The following H6PD variants were observed in gnomAD, a reference collection of about 807,000 sequenced individuals.
H6PD encodes the protein hexose-6-phosphate dehydrogenase/glucose 1-dehydrogenase.
A neutral mutation model predicts 61.2 loss-of-function variants in H6PD; 48 were observed. The ratio of observed to expected loss-of-function variants is 0.78; its 90% CI spans 0.62 to 1.00. The LOEUF is 1.00. H6PD is among the 50% of genes least tolerant of loss of function. The pLI, the probability that H6PD is intolerant of heterozygous loss-of-function variation, is 0.00. For synonymous variants in H6PD, 480 were observed against 457.9 expected (o/e 1.05, Z -0.62); for missense variants, 1,093 against 1,065.0 (o/e 1.03, Z -0.37).
In H6PD at chr1:9,263,937, T is replaced by C. The variant is rs767609799; in HGVS notation, c.1444T>C (p.Ser482Pro). 7 of 1,614,176 alleles carry C rather than the reference T, an allele frequency of 4.3e-6. No individual in the cohort carries two copies. The highest frequency in any genetic ancestry group is 3.3e-5 in the South Asian group (3 of 91,084). Reference protein sequence around the residue: ...FFITTENLLASWNFWTPLLES... With the variant: ...FFITTENLLAPWNFWTPLLES... Reference sequence around the variant, plus strand: ...CATCACCACAGAGAACTTGCTGGCCTCCTGGAACTTCTGGACCCCTCTGCT... The same window carrying C: ...CATCACCACAGAGAACTTGCTGGCCCCCTGGAACTTCTGGACCCCTCTGCT... The change falls in exon 5 of 5, where the codon TCC becomes CCC. Residue 482 changes from serine to proline, a missense_variant. By Grantham distance (74) the Ser-to-Pro change is moderately conservative. Coordinates refer to ENST00000377403, the MANE Select transcript of H6PD (RefSeq NM_004285.4).
intron 3 of H6PD, among the ~76,000 whole-genome samples, chr1:9,248,468 G>C (rs1051011900): frequency 2.0e-5 from 3 of 152,044 alleles, no homozygotes; most frequent in Non-Finnish European, 4.4e-5. Context: ...CGGGTGCTGT[G>C]GGGGGTGATG....
At chr1:9,238,675 T>C (rs931315012) in intron 1 of H6PD, among the ~76,000 whole-genome samples, 7 of 152,210 alleles carry the variant, frequency 4.6e-5, no homozygotes, top group Admixed American at 1.3e-4. Flanking sequence ...AGTTCAGTTT[T>C]GTACATATTA....
Position 9,245,655 on chromosome 1 carries a change from C to A in H6PD, c.627+94C>A. The stretch of plus-strand genomic sequence containing the variant: ...CGCTCGCTCATTGTGGAGCTAGGCC[C>A]CAAGGCATTGTGAACTCAGAGCTCC... On this transcript the variant is annotated intron_variant, in intron 2 of 4. Coordinates refer to ENST00000377403, the MANE Select transcript of H6PD (RefSeq NM_004285.4). This position sits in a 1 kb window ranked among gnomAD's most constrained non-coding sequence, Gnocchi z 4.8. 7.7e-7 allele frequency: 1 copy of A among 1,297,286 alleles called. No individual in the cohort carries two copies. The highest frequency in any genetic ancestry group is 1.1e-6 in the Non-Finnish European group (1 of 906,326). 80.4% of individuals were successfully genotyped at this position (1,297,286 alleles called of 1,614,324 possible). A position where few individuals can be genotyped will look rare whatever the true frequency, so the allele number is the denominator to read the frequency against.
chr1:9,263,513 C>A lies in H6PD; in HGVS notation c.1020C>A (p.Val340=). The A allele has an allele frequency of 6.2e-7, 1 of 1,614,056 alleles. No homozygotes were observed. The highest frequency in any genetic ancestry group is 1.1e-5 in the South Asian group (1 of 91,080). Residue 340 remains valine (V), a synonymous_variant, in exon 5 of 5, where the codon GTC becomes GTA. Transcript: ENST00000377403. ...TCTGCTGTTCCCTCACCCCAGCCGT[C>A]CTAGTGCACATTGACAACCTTCGCT... ...FHSLTPTFAA[V]LVHIDNLRWE...
intron 1 of H6PD, chr1:9,243,047 G>A (rs1411372134): frequency 2.5e-6 from 2 of 811,666 alleles, no homozygotes; most frequent in East Asian, 1.2e-4. Context: ...GTGTGGCCCT[G>A]ATCCTCTAGT....
chr1:9,271,296 G>A lies in H6PD; in HGVS notation c.*6427G>A, dbSNP rs1219780394. The A allele has an allele frequency of 2.6e-5, 4 of 152,182 alleles. No individual in the cohort carries two copies. Among genetic ancestry groups the A allele is most frequent in the African/African-American group, 4.8e-5 (2 of 41,420 alleles). The allele number at this position is 152,182 out of a possible 1,614,324, so 9.4% of individuals were successfully genotyped here. ...TAAAATGTCTTTTTCTATGTCAAAT[G>A]TAACGTTTATTTTTTTAAACAATAA... On this transcript the variant is annotated 3_prime_UTR_variant, in exon 5 of 5. Transcript: ENST00000377403.
intron 3 of H6PD, among the ~76,000 whole-genome samples, chr1:9,255,367 G>A (rs574070800): frequency 6.6e-6 from 1 of 151,970 alleles, no homozygotes; most frequent in African/African-American, 2.4e-5. Flanking sequence ...CTGCAGCCTC[G>A]ACCTCCTAGG....
At chr1:9,262,851 C>T (rs949572888) in intron 4 of H6PD, among the ~76,000 whole-genome samples, 1 of 152,210 alleles carries the variant, frequency 6.6e-6, no homozygotes, top group Admixed American at 6.5e-5. Context: ...ATAGATGCCT[C>T]TCATACAAGC....
At chr1:9,260,010 T>C (rs556006083) in intron 3 of H6PD, among the ~76,000 whole-genome samples, 1 of 152,090 alleles carries the variant, frequency 6.6e-6, no homozygotes, top group East Asian at 1.9e-4. Context: ...TTACTGTTGT[T>C]ATGTTGTTAT....
intron 3 of H6PD, 134 bp from the exon 4 acceptor site, chr1:9,261,925 T>G: frequency 1.1e-6 from 1 of 919,508 alleles, no homozygotes; most frequent in Non-Finnish European, 1.8e-6. Flanking sequence ...TGTGCACCAT[T>G]TTTATAGGCC....
rs143609093 is a variant in H6PD at position 9,238,911 on chromosome 1, A to G, written c.-11+3845A>G. Among the ~76,000 whole-genome samples the G allele has an allele frequency of 7.4e-3, 1,133 of 152,292 alleles. 13 individuals are homozygous for G. Among genetic ancestry groups the G allele is most frequent in the African/African-American group, 0.026 (1,072 of 41,552 alleles). ...AATATTCTGACGTTGGCCAACTTCA[A>G]ATACACTATAATAGAATATCTTCAC... On this transcript the variant is annotated intron_variant, in intron 1 of 4. Coordinates refer to ENST00000377403, the MANE Select transcript of H6PD (RefSeq NM_004285.4).
At position 9,263,861 on chromosome 1, in the gene H6PD, C is replaced by A; in HGVS notation, c.1368C>A (p.Asp456Glu). The A allele has an allele frequency of 1.4e-5, 23 of 1,613,966 alleles. No homozygotes were observed. The highest frequency in any genetic ancestry group is 1.9e-5 in the Non-Finnish European group (22 of 1,179,930). Residue 456 changes from aspartate to glutamate, a missense_variant, in exon 5 of 5, where the codon GAC becomes GAA. By Grantham distance (45) the Asp-to-Glu change is conservative. Transcript: ENST00000377403. ...YYAYSPVRER[D>E]AHSVLLSHIF... Reference sequence around the variant, plus strand: ...CCTACAGCCCTGTGCGGGAGCGGGACGCCCACTCCGTCCTCTTATCCCATA... The same window carrying A: ...CCTACAGCCCTGTGCGGGAGCGGGAAGCCCACTCCGTCCTCTTATCCCATA...
At chr1:9,251,208 G>A (rs577120096) in intron 3 of H6PD, among the ~76,000 whole-genome samples, 1 of 152,298 alleles carries the variant, frequency 6.6e-6, no homozygotes, top group Non-Finnish European at 1.5e-5. Context: ...AGACAGGCGG[G>A]CCCATGTGAT....
intron 2 of H6PD, among the ~76,000 whole-genome samples, chr1:9,246,686 TA>T (rs1368038686): frequency 6.6e-6 from 1 of 152,246 alleles, no homozygotes; most frequent in Non-Finnish European, 1.5e-5. Context: ...TTTTTGGTGT[TA>T]AACCTATCTT....
Position 9,270,001 on chromosome 1 carries a change from G to C in H6PD, c.*5132G>C, listed in dbSNP as rs1044609148. 6.6e-6 allele frequency: 1 copy of C among 152,616 alleles called. No individual in the cohort carries two copies. Among genetic ancestry groups the C allele is most frequent in the Admixed American group, 6.5e-5 (1 of 15,284 alleles). The allele number at this position is 152,616 out of a possible 1,614,324, so 9.5% of individuals were successfully genotyped here. A position where few individuals can be genotyped will look rare whatever the true frequency, so the allele number is the denominator to read the frequency against. On this transcript the variant is annotated 3_prime_UTR_variant, in exon 5 of 5. Transcript: ENST00000377403. ...GACGGGATGGCAAGGGCTTTCAGAC[G>C]CATTTCCAAGAGTCCAGCAAGCCAG...
chr1:9,264,361 G>GC lies in H6PD; in HGVS notation c.1869dup (p.Val624ArgfsTer109). 8 of 1,612,730 alleles carry GC rather than the reference G, an allele frequency of 5.0e-6. No homozygotes were observed. Among genetic ancestry groups the GC allele is most frequent in the Non-Finnish European group, 6.8e-6 (8 of 1,179,964 alleles). ...CACCTGTGGCTGGTTGACGAGCGCTGCGTCCCACTCTCAGACCCGGAGTCC... is the reference window on the plus strand; with the variant it reads ...CACCTGTGGCTGGTTGACGAGCGCTGCCGTCCCACTCTCAGACCCGGAGTCC... On this transcript the variant is annotated frameshift_variant, in exon 5 of 5. Coordinates refer to ENST00000377403, the MANE Select transcript of H6PD (RefSeq NM_004285.4). LOFTEE classifies it high-confidence loss of function.
At chr1:9,244,335 TA>T (rs1349084750) in intron 1 of H6PD, among the ~76,000 whole-genome samples, 2 of 152,210 alleles carry the variant, frequency 1.3e-5, no homozygotes, top group Non-Finnish European at 2.9e-5. Context: ...ATTGTGCACT[TA>T]CTAAGGGGTT....
chr1:9,256,189 T>G (rs1208859184), intron 3 of H6PD, among the ~76,000 whole-genome samples: 2 of 152,214 alleles, frequency 1.3e-5, no homozygotes, highest in Non-Finnish European at 2.9e-5. Flanking sequence ...TTTCTCTTTT[T>G]CTGGATGTCT....
At chr1:9,239,168 T>A (rs1415710323) in intron 1 of H6PD, among the ~76,000 whole-genome samples, 1 of 152,102 alleles carries the variant, frequency 6.6e-6, no homozygotes, top group Non-Finnish European at 1.5e-5. Flanking sequence ...TGCCTCAGCC[T>A]CCCAAGTAGC....
Sources: gnomAD v4.1 joint callset for allele counts (sites outside exome capture counted in the v4.1 genomes callset) on GRCh38, gnomAD v4.1.1 for gene constraint, Gnocchi (gnomAD v3.1) non-coding constraint, MANE v1.5 for transcripts, NCBI Gene and HGNC (gene_info 2026-07-23, HGNC 2026-07-21) for gene names.